The following LRRIQ1 variants were observed in gnomAD, a reference collection of about 807,000 sequenced individuals.
The protein encoded by LRRIQ1 is leucine-rich repeat- and IQ domain-containing protein 1.
A neutral mutation model predicts 211.9 loss-of-function variants in LRRIQ1; 210 were observed. That is an observed-to-expected ratio of 0.99 (90% CI 0.89 to 1.11). The LOEUF (loss-of-function observed/expected upper bound fraction) is 1.11, where lower values mean the gene tolerates loss of function less well. Ranked by LOEUF, LRRIQ1 falls within the 50% of genes most tolerant of loss-of-function variation. The pLI, the probability that LRRIQ1 is intolerant of heterozygous loss-of-function variation, is 0.00. For missense variants in LRRIQ1, 2,136 were observed against 1,939.5 expected, an observed-to-expected ratio of 1.10 and a Z score of -1.90; for synonymous variants, 699 against 650.1, an observed-to-expected ratio of 1.08 and a Z score of -1.14.
chr12:85,080,666 TA>T (rs1884185329), intron 11 of LRRIQ1, among the ~76,000 whole-genome samples: 1 of 151,224 alleles, frequency 6.6e-6, no homozygotes, highest in South Asian at 2.1e-4. Context: ...TTAGAATTTT[TA>T]CTTGTTTTTT....
At chr12:85,207,080 C>T (rs1893596091) in intron 24 of LRRIQ1, among the ~76,000 whole-genome samples, 1 of 152,164 alleles carries the variant, frequency 6.6e-6, no homozygotes, top group Non-Finnish European at 1.5e-5. Context: ...CGTGGGGTGT[C>T]CTGCTGCCAG....
chr12:85,135,800 G>T, intron 18 of LRRIQ1, among the ~76,000 whole-genome samples: 1 of 151,842 alleles, frequency 6.6e-6, no homozygotes, highest in East Asian at 1.9e-4. Context: ...AATGTTCCAG[G>T]TTCATTTGAC....
chr12:85,101,670 A>G (rs1342705857), intron 13 of LRRIQ1, among the ~76,000 whole-genome samples: 1 of 151,852 alleles, frequency 6.6e-6, no homozygotes, highest in Non-Finnish European at 1.5e-5. Flanking sequence ...AGTTTCTACC[A>G]TCCTAATGAA....
intron 24 of LRRIQ1, among the ~76,000 whole-genome samples, chr12:85,166,363 A>G (rs1459891451): frequency 1.3e-5 from 2 of 152,168 alleles, no homozygotes; most frequent in Non-Finnish European, 2.9e-5. Flanking sequence ...GTCATCACTA[A>G]CATGCTTCCT....
At chr12:85,184,262 T>A (rs1892126903) in intron 24 of LRRIQ1, among the ~76,000 whole-genome samples, 1 of 152,032 alleles carries the variant, frequency 6.6e-6, no homozygotes, top group African/African-American at 2.4e-5. Flanking sequence ...TATGAAATCA[T>A]TGATTTTATC....
chr12:85,109,330 C>T (rs183396258), intron 15 of LRRIQ1, among the ~76,000 whole-genome samples: 12 of 152,110 alleles, frequency 7.9e-5, no homozygotes, highest in African/African-American at 2.9e-4. Flanking sequence ...CTAACTCAAA[C>T]ACCTATGTAA....
intron 24 of LRRIQ1, among the ~76,000 whole-genome samples, chr12:85,202,478 A>G (rs1325313521): frequency 1.3e-5 from 2 of 152,174 alleles, no homozygotes; most frequent in Non-Finnish European, 2.9e-5. Flanking sequence ...TGTAGTGTGC[A>G]TATATATTTA....
At chr12:85,048,204 T>G (rs1223144849) in intron 6 of LRRIQ1, 2 of 152,276 alleles carry the variant, frequency 1.3e-5, no homozygotes, top group Non-Finnish European at 2.9e-5. Flanking sequence ...GAACATTAGC[T>G]TGTTCAACAT....
At chr12:85,221,587 A>G (rs2137131571) in intron 24 of LRRIQ1, among the ~76,000 whole-genome samples, 1 of 152,278 alleles carries the variant, frequency 6.6e-6, no homozygotes, top group South Asian at 2.1e-4. Flanking sequence ...TACCCCAAAG[A>G]ATGGAAGTTC....
chr12:85,150,103 GA>G (rs1288158396), intron 19 of LRRIQ1, among the ~76,000 whole-genome samples: 11 of 151,666 alleles, frequency 7.3e-5, no homozygotes, highest in Non-Finnish European at 1.5e-5. Context: ...AGGTGTTTAA[GA>G]AAACAAAAAT....
intron 1 of LRRIQ1, among the ~76,000 whole-genome samples, chr12:85,257,880 A>G (rs1329219695): frequency 6.6e-6 from 1 of 151,826 alleles, no homozygotes; most frequent in African/African-American, 2.4e-5. Flanking sequence ...TCCAGCCATC[A>G]TTTTGCAAAC....
At chr12:85,204,710 T>G (rs114555344) in intron 24 of LRRIQ1, among the ~76,000 whole-genome samples, 21,975 of 152,034 alleles carry the variant, frequency 0.14, 3,149 homozygotes, top group African/African-American at 0.37. Flanking sequence ...TTGGAATGAT[T>G]GTATTTTCCC....
At chr12:85,060,886 T>G (rs1881710450) in intron 8 of LRRIQ1, among the ~76,000 whole-genome samples, 1 of 151,880 alleles carries the variant, frequency 6.6e-6, no homozygotes, top group South Asian at 2.1e-4. Context: ...TTAGGGAATT[T>G]TATCTACAAT....
intron 24 of LRRIQ1, among the ~76,000 whole-genome samples, chr12:85,166,702 G>A (rs1371248391): frequency 1.3e-5 from 2 of 152,192 alleles, no homozygotes; most frequent in African/African-American, 2.4e-5. Flanking sequence ...CAGCATAAAT[G>A]CCACAGGGCA....
At chr12:85,120,931 T>G (rs892918571) in intron 15 of LRRIQ1, among the ~76,000 whole-genome samples, 5 of 146,592 alleles carry the variant, frequency 3.4e-5, no homozygotes, top group Admixed American at 6.6e-5. Flanking sequence ...TTAGTTTTTG[T>G]TTTTTTGTTT....
downstream of LRRIQ1, among the ~76,000 whole-genome samples, chr12:85,246,729 A>T (rs146455302): frequency 1.6e-4 from 24 of 151,528 alleles, no homozygotes; most frequent in Non-Finnish European, 3.0e-4. Context: ...AACACTACTA[A>T]TCTCTGAATG....
At chr12:85,051,640 G>T (rs147006030) in intron 6 of LRRIQ1, among the ~76,000 whole-genome samples, 4 of 152,112 alleles carry the variant, frequency 2.6e-5, no homozygotes, top group African/African-American at 9.7e-5. Flanking sequence ...TATTCTGCTA[G>T]ATTTTGGGTA....
chr12:85,057,088 T>A lies in LRRIQ1; in HGVS notation c.2295T>A (p.Val765=). ...IFKQNQQKKI[V]RRKRPVKCPA... The stretch of plus-strand genomic sequence containing the variant: ...AGCAAAATCAACAAAAGAAAATTGT[T>A]AGAAGAAAGAGACCTGTGAAATGCC... Residue 765 remains valine, a synonymous_variant, in exon 8 of 27, where the codon GTT becomes GTA. Coordinates refer to ENST00000393217, the MANE Select transcript of LRRIQ1 (RefSeq NM_001079910.2). 6.2e-7 allele frequency: 1 copy of A among 1,607,618 alleles called. No homozygotes were observed. Among genetic ancestry groups the A allele is most frequent in the Non-Finnish European group, 8.5e-7 (1 of 1,177,990 alleles).
chr12:85,249,637 T>G (rs548202024), downstream of LRRIQ1, among the ~76,000 whole-genome samples: 4 of 152,032 alleles, frequency 2.6e-5, no homozygotes, highest in African/African-American at 9.6e-5. Flanking sequence ...GGCACTTACA[T>G]TAAGTGAATA....
Sources: gnomAD v4.1 joint callset for allele counts (sites outside exome capture counted in the v4.1 genomes callset) on GRCh38, gnomAD v4.1.1 for gene constraint, MANE v1.5 for transcripts, NCBI Gene and HGNC (gene_info 2026-07-23, HGNC 2026-07-21) for gene names.